RNF145: variants seen among roughly 807,000 people sequenced by gnomAD.
RNF145 encodes the protein ring finger protein 145.
RNF145 carries 12 observed loss-of-function variants against 57.3 expected under a neutral mutation model. That is an observed-to-expected ratio of 0.21 (90% CI 0.13 to 0.34). The LOEUF is 0.34. Ranked by LOEUF, RNF145 falls within the 10% of genes least tolerant of loss-of-function variation. The pLI is 1.00. For missense variants in RNF145, 429 were observed against 799.0 expected (o/e 0.54, Z 5.58); for synonymous variants, 262 against 288.3 (o/e 0.91, Z 0.92).
At chr5:159,203,726 G>C in intron 1 of RNF145, 70 bp from the exon 2 acceptor site, 1 of 935,602 alleles carries the variant, frequency 1.1e-6, no homozygotes, top group Non-Finnish European at 1.6e-6. Context: ...ACCCTTTCAC[G>C]AATCTAATAG....
In RNF145 at chr5:159,169,048, T is replaced by C. The variant is rs1016416297; in HGVS notation, c.946A>G (p.Thr316Ala). Residue 316 changes from threonine (T) to alanine (A), a missense_variant, in exon 8 of 11, where the codon ACA (threonine) becomes GCA (alanine). This residue lies in a region of RNF145 where 216 missense variants were observed against 457.6 expected (regional missense o/e 0.47). Transcript: ENST00000424310. ...MNDPAMNRGM[T>A]EGVTLLILAV... The stretch of plus-strand genomic sequence containing the variant: ...AGGATTAACAGCGTTACTCCTTCTG[T>C]CATGCCCCTAAAAAAAGCATACATT... The C allele has an allele frequency of 1.2e-5, 19 of 1,550,802 alleles. No individual in the cohort carries two copies. Among genetic ancestry groups the C allele is most frequent in the Non-Finnish European group, 1.6e-5 (18 of 1,157,648 alleles).
At chr5:159,159,873 A>C (rs1784157246) in intron 10 of RNF145, among the ~76,000 whole-genome samples, 1 of 152,200 alleles carries the variant, frequency 6.6e-6, no homozygotes. Flanking sequence ...CAAGTCCCAA[A>C]ACAAGCAGGT....
At chr5:159,208,377 G>C (rs1785977023) in intron 1 of RNF145, among the ~76,000 whole-genome samples, 1 of 152,198 alleles carries the variant, frequency 6.6e-6, no homozygotes. Flanking sequence ...CGCGGGCGAA[G>C]TTCAGCATCC....
At chr5:159,189,594 G>T (rs968568462) in intron 3 of RNF145, among the ~76,000 whole-genome samples, 7 of 152,180 alleles carry the variant, frequency 4.6e-5, no homozygotes, top group Non-Finnish European at 1.0e-4. Flanking sequence ...CCACTCCGAG[G>T]TATTTGTCCA....
intron 6 of RNF145, among the ~76,000 whole-genome samples, chr5:159,171,553 T>C (rs142693578): frequency 0.011 from 1,640 of 152,302 alleles, 30 homozygotes; most frequent in African/African-American, 0.038. Flanking sequence ...TGAAAGAGTT[T>C]GGAAAATTTA....
chr5:159,186,421 C>T (rs1362535179), intron 3 of RNF145, among the ~76,000 whole-genome samples: 1 of 152,190 alleles, frequency 6.6e-6, no homozygotes, highest in Non-Finnish European at 1.5e-5. Flanking sequence ...CACTGGACAA[C>T]CTAGGAACAA....
At chr5:159,180,270 C>T (rs1784846783) in intron 4 of RNF145, among the ~76,000 whole-genome samples, 1 of 152,094 alleles carries the variant, frequency 6.6e-6, no homozygotes, top group African/African-American at 2.4e-5. Context: ...GCTCTCTCAC[C>T]TGCAGCAGTA....
chr5:159,164,928 A>G (rs189814066), intron 8 of RNF145, among the ~76,000 whole-genome samples: 14 of 152,370 alleles, frequency 9.2e-5, no homozygotes, highest in Admixed American at 9.1e-4. Context: ...TTTTCCCTTT[A>G]ACAATTATTT....
chr5:159,199,530 A>G (rs1785590151), intron 2 of RNF145, among the ~76,000 whole-genome samples: 1 of 152,198 alleles, frequency 6.6e-6, no homozygotes, highest in African/African-American at 2.4e-5. Context: ...GTAGTTTCAA[A>G]AGGATTTTCG....
intron 4 of RNF145, among the ~76,000 whole-genome samples, chr5:159,180,830 C>A (rs1006231818): frequency 1.3e-5 from 2 of 152,070 alleles, no homozygotes; most frequent in Non-Finnish European, 2.9e-5. Flanking sequence ...ATTCACCACA[C>A]TGCAAGTGCT....
At chr5:159,209,632 G>T, upstream of RNF145, 1 of 1,063,096 alleles carries the variant, frequency 9.4e-7, no homozygotes, top group South Asian at 4.3e-5. Flanking sequence ...GCGCGCGCCC[G>T]CGCTCACTCA....
At chr5:159,178,324 T>C (rs1784779634) in intron 4 of RNF145, among the ~76,000 whole-genome samples, 1 of 152,000 alleles carries the variant, frequency 6.6e-6, no homozygotes, top group Non-Finnish European at 1.5e-5. Flanking sequence ...TCCTTTCTCA[T>C]TAATTTGAAA....
chr5:159,173,978 A>AT lies in RNF145; in HGVS notation c.797+4dup, dbSNP rs750712590. The AT allele has an allele frequency of 1.3e-6, 2 of 1,597,646 alleles. No individual in the cohort carries two copies. The highest frequency in any genetic ancestry group is 2.3e-5 in the South Asian group (2 of 88,184). On this transcript the variant is annotated splice_donor_region_variant and intron_variant, in intron 6 of 10. Coordinates refer to ENST00000424310, the MANE Select transcript of RNF145 (RefSeq NM_001199383.2). Reference sequence around the variant, plus strand: ...TATATAGTATCATAGGCTCTTATTAATTACCTTGTCAGAAAAAGGAAAAGA... The same window carrying AT: ...TATATAGTATCATAGGCTCTTATTAATTTACCTTGTCAGAAAAAGGAAAAGA...
At chr5:159,175,574 T>C (rs899182670) in intron 5 of RNF145, among the ~76,000 whole-genome samples, 1 of 152,210 alleles carries the variant, frequency 6.6e-6, no homozygotes, top group African/African-American at 2.4e-5. Context: ...TTTGTCATTA[T>C]TACCCTGAAT....
At chr5:159,198,234 T>C (rs562559150) in intron 2 of RNF145, among the ~76,000 whole-genome samples, 1 of 121,864 alleles carries the variant, frequency 8.2e-6, no homozygotes, top group African/African-American at 3.7e-5. Context: ...AGTGAGACTC[T>C]ATCTCTAAAT....
intron 3 of RNF145, among the ~76,000 whole-genome samples, chr5:159,185,362 G>C (rs1241992149): frequency 6.6e-6 from 1 of 152,074 alleles, no homozygotes; most frequent in Non-Finnish European, 1.5e-5. Flanking sequence ...AGGAGGATCT[G>C]GGCATCCCAT....
intron 8 of RNF145, among the ~76,000 whole-genome samples, chr5:159,167,397 G>C (rs1784422680): frequency 6.6e-6 from 1 of 152,100 alleles, no homozygotes; most frequent in Admixed American, 6.6e-5. Flanking sequence ...AATCTCCTCT[G>C]CATCTAATTT....
At chr5:159,159,768 C>A (rs747516484) in intron 10 of RNF145, among the ~76,000 whole-genome samples, 4 of 152,108 alleles carry the variant, frequency 2.6e-5, no homozygotes, top group Admixed American at 1.3e-4. Flanking sequence ...CATTAATATT[C>A]CTTGCATAAG....
chr5:159,203,868 A>T (rs1169785699), intron 1 of RNF145, among the ~76,000 whole-genome samples: 1 of 152,184 alleles, frequency 6.6e-6, no homozygotes, highest in Non-Finnish European at 1.5e-5. Flanking sequence ...GTCCAATCTT[A>T]TAATTCTGAT....
Sources: allele counts gnomAD v4.1 joint callset (sites outside exome capture counted in the v4.1 genomes callset), GRCh38; gene constraint gnomAD v4.1.1; regional missense constraint gnomAD v4.1.1; transcripts MANE v1.5; gene names NCBI Gene and HGNC (gene_info 2026-07-23, HGNC 2026-07-21).